PRAG1: variants seen among roughly 807,000 people sequenced by gnomAD.
PRAG1 encodes PEAK1 related, kinase-activating pseudokinase 1.
In PRAG1, 110 loss-of-function variants were observed where a neutral mutation model predicts 95.6. The ratio of observed to expected loss-of-function variants is 1.15; its 90% CI spans 0.99 to 1.35. PRAG1 has a LOEUF of 1.35. Among genes scored for constraint, PRAG1 ranks in the 40% most tolerant of loss-of-function variants. The pLI is 0.00. For missense variants in PRAG1, 2,554 were observed against 1,864.7 expected (o/e 1.37, Z -6.81); for synonymous variants, 1,052 against 819.4 (o/e 1.28, Z -4.85).
At chr8:8,362,892 C>A (rs974064254) in intron 3 of PRAG1, among the ~76,000 whole-genome samples, 2 of 151,934 alleles carry the variant, frequency 1.3e-5, no homozygotes, top group Non-Finnish European at 2.9e-5. Flanking sequence ...CTGTGCAGAA[C>A]AAAGGAAAAG....
intron 3 of PRAG1, among the ~76,000 whole-genome samples, chr8:8,363,795 C>T (rs1914825): frequency 6.6e-5 from 10 of 151,944 alleles, no homozygotes; most frequent in Non-Finnish European, 1.3e-4. Flanking sequence ...TCCTTAAAAA[C>T]AGACATAGTG....
chr8:8,339,687 G>C, intron 3 of PRAG1, 52 bp from the exon 4 acceptor site: 1 of 1,558,306 alleles, frequency 6.4e-7, no homozygotes, highest in East Asian at 2.3e-5. Context: ...TTTCCATTCA[G>C]AAACCAGGCT....
chr8:8,338,903 T>G (rs139015340), intron 4 of PRAG1, among the ~76,000 whole-genome samples: 1 of 152,314 alleles, frequency 6.6e-6, no homozygotes, highest in African/African-American at 2.4e-5. Flanking sequence ...GCCACAACTA[T>G]GGAAAAACAA....
At chr8:8,331,187 C>T (rs891621824) in intron 4 of PRAG1, among the ~76,000 whole-genome samples, 4 of 152,270 alleles carry the variant, frequency 2.6e-5, no homozygotes, top group South Asian at 4.2e-4. Flanking sequence ...CAAGTCCAGT[C>T]GGCTAGGGAG....
At chr8:8,346,538 G>C (rs563185827) in intron 3 of PRAG1, among the ~76,000 whole-genome samples, 4 of 152,154 alleles carry the variant, frequency 2.6e-5, no homozygotes, top group African/African-American at 2.4e-5. Context: ...TCTTGCCAGA[G>C]TGGTCTCCAT....
chr8:8,385,735 T>G (rs958454693), intron 1 of PRAG1, among the ~76,000 whole-genome samples: 2 of 152,066 alleles, frequency 1.3e-5, no homozygotes, highest in African/African-American at 4.8e-5. Context: ...GAGGATTCTA[T>G]GTTCTAAGTG....
chr8:8,385,883 C>G (rs892787482), intron 1 of PRAG1, among the ~76,000 whole-genome samples: 1 of 152,030 alleles, frequency 6.6e-6, no homozygotes, highest in African/African-American at 2.4e-5. Context: ...CACCCCCAAA[C>G]CATCCCCCCG....
chr8:8,381,297 T>C, intron 2 of PRAG1, 121 bp downstream of exon 2: 1 of 946,376 alleles, frequency 1.1e-6, no homozygotes, highest in Non-Finnish European at 1.6e-6. Context: ...CAGGGCAAAC[T>C]GACAGGAAGC....
chr8:8,319,381 T>G, intron 5 of PRAG1, 79 bp from the exon 6 acceptor site: 1 of 1,248,434 alleles, frequency 8.0e-7, no homozygotes, highest in Non-Finnish European at 1.1e-6. Flanking sequence ...CATTTGAGTA[T>G]CTACGTGCAA....
chr8:8,353,424 T>C (rs1375870416), intron 3 of PRAG1, among the ~76,000 whole-genome samples: 1 of 151,866 alleles, frequency 6.6e-6, no homozygotes, highest in Non-Finnish European at 1.5e-5. Flanking sequence ...TTAACAGATA[T>C]GTAATAATGA....
intron 3 of PRAG1, among the ~76,000 whole-genome samples, chr8:8,375,480 G>A (rs1050366088): frequency 7.9e-5 from 12 of 151,902 alleles, no homozygotes; most frequent in African/African-American, 2.2e-4. Flanking sequence ...GATTACAGGC[G>A]TGAGCCACCA....
At chr8:8,354,923 A>C (rs1425378746) in intron 3 of PRAG1, among the ~76,000 whole-genome samples, 19 of 152,188 alleles carry the variant, frequency 1.2e-4, no homozygotes, top group Admixed American at 1.2e-3. Context: ...GGTACTAGCA[A>C]GGGCAATCAG....
chr8:8,375,935 C>A (rs1204811913), intron 3 of PRAG1, among the ~76,000 whole-genome samples: 5 of 152,078 alleles, frequency 3.3e-5, no homozygotes, highest in African/African-American at 9.7e-5. Flanking sequence ...CTTCAGAGAA[C>A]TGGGGAATAA....
intron 3 of PRAG1, among the ~76,000 whole-genome samples, chr8:8,344,899 C>T (rs1281179623): frequency 1.3e-5 from 2 of 152,160 alleles, no homozygotes; most frequent in African/African-American, 4.8e-5. Flanking sequence ...ACAGTTGCAT[C>T]ATAGACCTAA....
At position 8,377,460 on chromosome 8, in the gene PRAG1, T is replaced by C; in HGVS notation, c.949A>G (p.Thr317Ala). 1 of 1,551,176 alleles carries C rather than the reference T, an allele frequency of 6.4e-7. No homozygotes were observed. The change falls in exon 3 of 6, where the codon ACT (threonine) becomes GCT (alanine). Residue 317 changes from threonine to alanine, a missense_variant. By Grantham distance (58) the Thr-to-Ala change is moderately conservative (BLOSUM62 0). Coordinates refer to ENST00000615670, the MANE Select transcript of PRAG1 (RefSeq NM_001080826.3). ...FPKECCSQGP[T>A]AHPSCLGPKK... ...GGGCCCAGGCAGGATGGGTGGGCAG[T>C]GGGGCCCTGGCTACAGCACTCCTTG...
chr8:8,341,293 C>T (rs1445779124), intron 3 of PRAG1, among the ~76,000 whole-genome samples: 1 of 152,160 alleles, frequency 6.6e-6, no homozygotes, highest in Non-Finnish European at 1.5e-5. Flanking sequence ...AATACATAAA[C>T]ATGTGTATGT....
chr8:8,362,180 T>C (rs1044623311), intron 3 of PRAG1, among the ~76,000 whole-genome samples: 4 of 152,236 alleles, frequency 2.6e-5, no homozygotes, highest in African/African-American at 4.8e-5. Flanking sequence ...CCTCTTAGCA[T>C]TGGCATGCTG....
rs1800465114 is a variant in PRAG1 at position 8,377,626 on chromosome 8, A to C, written c.783T>G (p.Pro261=). ...GEYCSILDCC[P]GSPVAKAASQ... Reference sequence around the variant, plus strand: ...AGGCAGCCTTGGCAACAGGGCTCCCAGGGCAGCAGTCCAGGATGGAGCAGT... The same window carrying C: ...AGGCAGCCTTGGCAACAGGGCTCCCCGGGCAGCAGTCCAGGATGGAGCAGT... Residue 261 remains proline, a synonymous_variant, in exon 3 of 6, where the codon CCT becomes CCG. Coordinates refer to ENST00000615670, the MANE Select transcript of PRAG1 (RefSeq NM_001080826.3). The C allele has an allele frequency of 6.2e-7, 1 of 1,613,386 alleles. No individual in the cohort carries two copies. The highest frequency in any genetic ancestry group is 1.3e-5 in the African/African-American group (1 of 75,034).
intron 1 of PRAG1, among the ~76,000 whole-genome samples, chr8:8,384,300 C>T (rs1451040720): frequency 6.6e-6 from 1 of 151,950 alleles, no homozygotes; most frequent in African/African-American, 2.4e-5. Context: ...AACCTTTGCA[C>T]AGCCCTGTGC....
Sources: gnomAD v4.1 joint callset for allele counts (sites outside exome capture counted in the v4.1 genomes callset) on GRCh38, gnomAD v4.1.1 for gene constraint, MANE v1.5 for transcripts, NCBI Gene and HGNC (gene_info 2026-07-23, HGNC 2026-07-21) for gene names.